Variants in TCP1 observed in about 807,000 individuals in gnomAD.
TCP1 encodes the protein t-complex 1.
TCP1 carries 6 observed loss-of-function variants against 54.7 expected under a neutral mutation model. The ratio of observed to expected loss-of-function variants is 0.11; its 90% CI spans 0.06 to 0.22. The LOEUF (loss-of-function observed/expected upper bound fraction) is 0.22. Among genes scored for constraint, TCP1 ranks in the 10% least tolerant of loss-of-function variants. The probability of loss-of-function intolerance (pLI) is 1.00; values close to 1 mark genes in which losing one functional copy is unlikely to be tolerated. For missense variants in TCP1, 511 were observed against 678.2 expected (o/e 0.75, Z 2.74); for synonymous variants, 225 against 229.7 (o/e 0.98, Z 0.19).
At chr6:159,779,839 TTG>T in intron 10 of TCP1, 49 bp from the exon 11 acceptor site, 7 of 1,573,356 alleles carry the variant, frequency 4.4e-6, no homozygotes, top group Non-Finnish European at 5.2e-6. Context: ...AAAAAAAAAA[TTG>T]AAGTCCACAG....
At chr6:159,785,020 T>C in intron 5 of TCP1, 173 bp from the exon 6 acceptor site, 1 of 686,212 alleles carries the variant, frequency 1.5e-6, no homozygotes, top group Non-Finnish European at 2.5e-6. Flanking sequence ...TTCATATCAC[T>C]TTTAGACATG....
intron 9 of TCP1, 80 bp downstream of exon 9, chr6:159,780,363 G>C (rs1048537664): frequency 6.3e-7 from 1 of 1,597,866 alleles, no homozygotes; most frequent in Non-Finnish European, 8.6e-7. Context: ...GAGACTACAA[G>C]CAGCAAATAA....
In TCP1 at chr6:159,779,618, C is replaced by G; in HGVS notation, c.1454+9G>C. On this transcript the variant is annotated intron_variant, in intron 11 of 11. Coordinates refer to ENST00000321394, the MANE Select transcript of TCP1 (RefSeq NM_030752.3). ...CAGAGGTTAACAAAGAGCGGGAAAC[C>G]ATGCTTACCATTTTAGATTTTTACG... is the stretch of plus-strand genomic sequence containing the variant. The G allele has an allele frequency of 6.3e-7, 1 of 1,592,796 alleles. No homozygotes were observed. Among genetic ancestry groups the G allele is most frequent in the East Asian group, 2.2e-5 (1 of 44,798 alleles).
intron 7 of TCP1, among the ~76,000 whole-genome samples, chr6:159,782,282 A>G (rs1341396272): frequency 1.3e-5 from 2 of 152,258 alleles, no homozygotes; most frequent in African/African-American, 4.8e-5. Context: ...AATGAATTAC[A>G]GATCAACCTC....
Position 159,784,596 on chromosome 6 carries a change from G to T in TCP1, c.670+70C>A. The stretch of plus-strand genomic sequence containing the variant: ...TGGGATTACAGGCATGAGCCACCGC[G>T]CCCAGCCAAAAGAAAAGCTAGTTTT... On this transcript the variant is annotated intron_variant, in intron 6 of 11. Transcript: ENST00000321394. The T allele has an allele frequency of 2.6e-6, 4 of 1,526,108 alleles. No individual in the cohort carries two copies. The South Asian group carries it at 4.9e-5, about 19-fold the overall frequency. The allele number at this position is 1,526,108 out of a possible 1,614,324, so 94.5% of individuals were successfully genotyped here.
At chr6:159,788,220 G>A (rs1340885108) in intron 1 of TCP1, 77 bp from the exon 2 acceptor site, 2 of 1,398,776 alleles carry the variant, frequency 1.4e-6, no homozygotes, top group African/African-American at 1.4e-5. Flanking sequence ...TCAGCCTAAA[G>A]GTAAATGACA....
At chr6:159,786,829 T>G (rs1265125071) in intron 3 of TCP1, among the ~76,000 whole-genome samples, 2 of 152,218 alleles carry the variant, frequency 1.3e-5, no homozygotes, top group African/African-American at 2.4e-5. Context: ...CTGGATGATC[T>G]ATGAAGAGTT....
rs1480534796 is a variant in TCP1, at chr6:159,779,006, ATT to A, written c.*37_*38del. ...AATACTCAACTCAAGGTACAAGACA[ATT>A]GCATTTAACATTGTTATAAATAAAA... On this transcript the variant is annotated 3_prime_UTR_variant, in exon 12 of 12. Transcript: ENST00000321394. 2.0e-5 allele frequency: 32 copies of A among 1,595,510 alleles called. 1 individual carries two copies. The Admixed American group carries it at 5.4e-4, about 27-fold the overall frequency.
At position 159,787,809 on chromosome 6, in the gene TCP1, T is replaced by G; in HGVS notation, c.213A>C (p.Ala71=). The G allele has an allele frequency of 6.2e-7, 1 of 1,614,224 alleles. No homozygotes were observed. The highest frequency in any genetic ancestry group is 8.5e-7 in the Non-Finnish European group (1 of 1,180,034). ...ILKLLEVEHP[A]AKVLCELADL... ...CAGCCAGCTCACAAAGAACTTTAGC[T>G]GCAGGATGTTCTACCTCCAGTAACT... is the stretch of plus-strand genomic sequence containing the variant. Residue 71 remains alanine, a synonymous_variant, in exon 3 of 12, where the codon GCA becomes GCC. Coordinates refer to ENST00000321394, the MANE Select transcript of TCP1 (RefSeq NM_030752.3).
Position 159,778,710 on chromosome 6 carries a change from G to A in TCP1, c.*335C>T. On this transcript the variant is annotated 3_prime_UTR_variant, in exon 12 of 12. Coordinates refer to ENST00000321394, the MANE Select transcript of TCP1 (RefSeq NM_030752.3). ...CTTGGGCCACCCTCTTGGAGCATCT[G>A]GCTGTCGAATTCTTGTGACCCTGTT... 1 of 1,614,250 alleles carries A rather than the reference G, an allele frequency of 6.2e-7. No homozygotes were observed. Among genetic ancestry groups the A allele is most frequent in the Admixed American group, 1.7e-5 (1 of 60,034 alleles).
rs200792657 is a variant in TCP1 at position 159,780,072 on chromosome 6, C to G, written c.1113G>C (p.Thr371=). 13 of 1,614,048 alleles carry G rather than the reference C, an allele frequency of 8.1e-6. No homozygotes were observed. In the South Asian group the frequency reaches 1.4e-4, roughly 18 times the overall value. The part of the protein sequence containing the change: ...LILIKNTKAR[T]SASIILRGAN... Reference sequence around the variant, plus strand: ...CCCCACGTAAGATAATCGATGCAGACGTACGAGCCTTAGTACTGTTCAAAA... The same window carrying G: ...CCCCACGTAAGATAATCGATGCAGAGGTACGAGCCTTAGTACTGTTCAAAA... The change falls in exon 10 of 12, where the codon ACG becomes ACC. Residue 371 remains threonine, a synonymous_variant. Transcript: ENST00000321394.
In TCP1 at chr6:159,778,536, T is replaced by TA; in HGVS notation, c.*508dup. ...AGGTGTAAATTTATTCCTAAGCAGT[T>TA]AAAATGAAAATTTGAGTTTGAAAGG... On this transcript the variant is annotated 3_prime_UTR_variant, in exon 12 of 12. Transcript: ENST00000321394. The TA allele has an allele frequency of 8.9e-7, 1 of 1,125,172 alleles. No homozygotes were observed. Among genetic ancestry groups the TA allele is most frequent in the Non-Finnish European group, 1.3e-6 (1 of 798,056 alleles). The allele number at this position is 1,125,172 out of a possible 1,614,324, so 69.7% of individuals were successfully genotyped here.
rs371314063 is a variant in TCP1 at position 159,789,416 on chromosome 6, C to T, written c.53G>A (p.Arg18His). ...FGDRSTGETI[R>H]SQNVMAAASI... ...CGGCCCGCCCTTACCGTTTTGGGAGCGGATCGTTTCCCCAGTGCTGCGGTC... is the reference window on the plus strand; with the variant it reads ...CGGCCCGCCCTTACCGTTTTGGGAGTGGATCGTTTCCCCAGTGCTGCGGTC... Residue 18 changes from arginine to histidine, a missense_variant, in exon 1 of 12, where the codon CGC becomes CAC. This residue lies in a region of TCP1 where 35 missense variants were observed against 32.7 expected (regional missense o/e 1.07). Coordinates refer to ENST00000321394, the MANE Select transcript of TCP1 (RefSeq NM_030752.3). 3.1e-6 allele frequency: 5 copies of T among 1,613,662 alleles called. No homozygotes were observed. Among genetic ancestry groups the T allele is most frequent in the Admixed American group, 1.7e-5 (1 of 60,008 alleles).
At chr6:159,785,534 T>A in intron 4 of TCP1, 38 bp from the exon 5 acceptor site, 1 of 1,477,128 alleles carries the variant, frequency 6.8e-7, no homozygotes, top group Non-Finnish European at 9.4e-7. Context: ...GCTTATAAAG[T>A]CACTACTCAA....
rs1035241924 is a variant in TCP1 at position 159,784,779 on chromosome 6, C to T, written c.557G>A (p.Gly186Asp). ...AGAGTTGACTGGATAGCGTGGCTGG[C>T]CTCTTATGTCTGTGTATTTAATAGC... ...VLAIKYTDIR[G>D]QPRYPVNSVN... The change falls in exon 6 of 12, where the codon GGC becomes GAC. Residue 186 changes from glycine to aspartate, a missense_variant. Gly to Asp is a moderately conservative substitution (Grantham distance 94). Transcript: ENST00000321394. 1.2e-6 allele frequency: 2 copies of T among 1,614,094 alleles called. No homozygotes were observed. The highest frequency in any genetic ancestry group is 2.2e-5 in the South Asian group (2 of 91,080).
Position 159,778,561 on chromosome 6 carries a change from G to T in TCP1, c.*484C>A. Reference sequence around the variant, plus strand: ...TAAAATGAAAATTTGAGTTTGAAAGGGTAGCATGCTGATACATTAAGAGGA... The same window carrying T: ...TAAAATGAAAATTTGAGTTTGAAAGTGTAGCATGCTGATACATTAAGAGGA... On this transcript the variant is annotated 3_prime_UTR_variant, in exon 12 of 12. Transcript: ENST00000321394. 1.5e-6 allele frequency: 2 copies of T among 1,344,934 alleles called. No homozygotes were observed. The highest frequency in any genetic ancestry group is 1.0e-6 in the Non-Finnish European group (1 of 974,498). The allele number at this position is 1,344,934 out of a possible 1,614,324, so 83.3% of individuals were successfully genotyped here.
intron 3 of TCP1, among the ~76,000 whole-genome samples, chr6:159,786,610 G>A (rs1780703272): frequency 6.6e-6 from 1 of 152,204 alleles, no homozygotes; most frequent in Non-Finnish European, 1.5e-5. Flanking sequence ...AAAGCAAAAA[G>A]ACTGTCAGCT....
chr6:159,782,264 T>A (rs1468801216), intron 7 of TCP1, among the ~76,000 whole-genome samples: 1 of 152,212 alleles, frequency 6.6e-6, no homozygotes, highest in African/African-American at 2.4e-5. Context: ...GAAGAATTTT[T>A]AAAGTAAAAT....
At chr6:159,788,593 A>AC (rs1257006541) in intron 1 of TCP1, 2 of 157,110 alleles carry the variant, frequency 1.3e-5, no homozygotes, top group Non-Finnish European at 2.8e-5. Context: ...GGGAAAAAAA[A>AC]AAAAAGTAAT....
Sources: allele counts gnomAD v4.1 joint callset (sites outside exome capture counted in the v4.1 genomes callset), GRCh38; gene constraint gnomAD v4.1.1; regional missense constraint gnomAD v4.1.1; transcripts MANE v1.5; gene names NCBI Gene and HGNC (gene_info 2026-07-23, HGNC 2026-07-21).